The following BRINP3 variants were observed in gnomAD, a reference collection of about 807,000 sequenced individuals.
The protein encoded by BRINP3 is BMP/retinoic acid inducible neural specific 3.
In BRINP3, 19 loss-of-function variants were observed where a neutral mutation model predicts 71.0. That is an observed-to-expected ratio of 0.27 (90% CI 0.19 to 0.39). The LOEUF is 0.39. BRINP3 is among the 10% of genes least tolerant of loss of function. The pLI, the probability that BRINP3 is intolerant of heterozygous loss-of-function variation, is 1.00. For missense variants in BRINP3, 959 were observed against 940.8 expected, an observed-to-expected ratio of 1.02 and a Z score of -0.25; for synonymous variants, 380 against 337.7, an observed-to-expected ratio of 1.13 and a Z score of -1.37.
chr1:190,285,974 C>T (rs1055176809), intron 2 of BRINP3, among the ~76,000 whole-genome samples: 9 of 152,078 alleles, frequency 5.9e-5, no homozygotes, highest in Non-Finnish European at 1.2e-4. Context: ...CTTCACAGAA[C>T]GTAACTATCT....
At chr1:190,387,374 C>A (rs1056858128) in intron 2 of BRINP3, among the ~76,000 whole-genome samples, 1 of 151,884 alleles carries the variant, frequency 6.6e-6, no homozygotes, top group Non-Finnish European at 1.5e-5. Flanking sequence ...CTAGCAGAAG[C>A]TAATTTAATC....
intron 6 of BRINP3, among the ~76,000 whole-genome samples, chr1:190,166,551 C>T (rs1316329788): frequency 6.6e-6 from 1 of 152,130 alleles, no homozygotes; most frequent in Non-Finnish European, 1.5e-5. Context: ...CTAGAAGAAA[C>T]AGGTGTACCA....
At chr1:190,396,486 G>T (rs1671574779) in intron 2 of BRINP3, among the ~76,000 whole-genome samples, 1 of 150,854 alleles carries the variant, frequency 6.6e-6, no homozygotes. Context: ...TCAAAAACTA[G>T]GAATCTATTG....
chr1:190,289,654 A>G (rs1029224284), intron 2 of BRINP3, among the ~76,000 whole-genome samples: 2 of 151,990 alleles, frequency 1.3e-5, no homozygotes, highest in African/African-American at 4.8e-5. Context: ...TGTATGGATT[A>G]CAAATTGAAA....
At chr1:190,328,076 T>C (rs2103071415) in intron 2 of BRINP3, among the ~76,000 whole-genome samples, 1 of 152,146 alleles carries the variant, frequency 6.6e-6, no homozygotes, top group South Asian at 2.1e-4. Context: ...AGCAGAAAGT[T>C]TTTAGCACTA....
chr1:190,266,223 A>G (rs566173746), intron 3 of BRINP3, among the ~76,000 whole-genome samples: 116 of 152,302 alleles, frequency 7.6e-4, no homozygotes, highest in African/African-American at 2.3e-3. Context: ...CTTTTATGAA[A>G]AGGCAAATAA....
chr1:190,271,145 A>G (rs1662077400), intron 3 of BRINP3, among the ~76,000 whole-genome samples: 2 of 151,620 alleles, frequency 1.3e-5, no homozygotes, highest in Admixed American at 6.6e-5. Flanking sequence ...TTGAAAATCT[A>G]TATGTTGTTG....
At chr1:190,429,034 G>T (rs940437080) in intron 2 of BRINP3, among the ~76,000 whole-genome samples, 33 of 151,988 alleles carry the variant, frequency 2.2e-4, no homozygotes, top group African/African-American at 8.0e-4. Flanking sequence ...CTATAAATCA[G>T]ATGCTGCTTT....
chr1:190,174,218 T>C (rs1652283667), intron 6 of BRINP3, among the ~76,000 whole-genome samples: 1 of 152,152 alleles, frequency 6.6e-6, no homozygotes, highest in Admixed American at 6.6e-5. Flanking sequence ...TGACTCCCTT[T>C]TATTGTCAAG....
intron 2 of BRINP3, among the ~76,000 whole-genome samples, chr1:190,350,243 G>A (rs1558206424): frequency 1.3e-5 from 2 of 152,088 alleles, no homozygotes; most frequent in Non-Finnish European, 2.9e-5. Flanking sequence ...CTCCTTAAAT[G>A]TAGATCCACA....
intron 2 of BRINP3, among the ~76,000 whole-genome samples, chr1:190,334,451 T>C (rs1667159906): frequency 6.6e-6 from 1 of 151,898 alleles, no homozygotes; most frequent in Admixed American, 6.6e-5. Context: ...TCCATTCTTA[T>C]AATTTTCAGG....
chr1:190,365,777 G>T (rs1571870432), intron 2 of BRINP3, among the ~76,000 whole-genome samples: 1 of 135,274 alleles, frequency 7.4e-6, no homozygotes, highest in Non-Finnish European at 1.6e-5. Flanking sequence ...AAATATAAAT[G>T]CTGCGAAGAG....
chr1:190,271,910 T>C (rs1312418393), intron 3 of BRINP3, among the ~76,000 whole-genome samples: 3 of 151,516 alleles, frequency 2.0e-5, no homozygotes, highest in Non-Finnish European at 4.4e-5. Context: ...GGTTGTCCTA[T>C]GATACAACTG....
intron 7 of BRINP3, among the ~76,000 whole-genome samples, chr1:190,142,109 A>G (rs1462537826): frequency 6.6e-6 from 1 of 152,132 alleles, no homozygotes; most frequent in Admixed American, 6.6e-5. Flanking sequence ...CAACCTTTCT[A>G]CCTATAGAAG....
chr1:190,111,127 G>A (rs1557975713), intron 7 of BRINP3, among the ~76,000 whole-genome samples: 1 of 138,070 alleles, frequency 7.2e-6, no homozygotes, highest in South Asian at 2.4e-4. Context: ...GCAGTCAGCC[G>A]AGATTGGGCC....
chr1:190,474,829 C>T (rs77799653), intron 1 of BRINP3: 139 of 152,320 alleles, frequency 9.1e-4, no homozygotes, highest in African/African-American at 3.3e-3. Context: ...CACTGTTTGG[C>T]TGTGGAACCA....
intron 6 of BRINP3, among the ~76,000 whole-genome samples, 168 bp from the exon 7 acceptor site, chr1:190,161,058 T>C (rs747515299): frequency 2.8e-4 from 42 of 151,908 alleles, no homozygotes; most frequent in Non-Finnish European, 4.7e-4. Flanking sequence ...GAAGATGGGG[T>C]TTTTAGATGC....
At chr1:190,302,290 A>T (rs968110813) in intron 2 of BRINP3, among the ~76,000 whole-genome samples, 26 of 148,022 alleles carry the variant, frequency 1.8e-4, no homozygotes, top group Admixed American at 1.1e-3. Flanking sequence ...ATATATATAT[A>T]TTTTAAGTGA....
intron 7 of BRINP3, among the ~76,000 whole-genome samples, chr1:190,160,283 T>C (rs998540724): frequency 5.9e-5 from 9 of 152,072 alleles, no homozygotes; most frequent in Admixed American, 1.3e-4. Flanking sequence ...AATTATTTTA[T>C]TTGAAAATTA....
Sources: allele counts gnomAD v4.1 joint callset (sites outside exome capture counted in the v4.1 genomes callset), GRCh38; gene constraint gnomAD v4.1.1; transcripts MANE v1.5; gene names NCBI Gene and HGNC (gene_info 2026-07-23, HGNC 2026-07-21).